Variants in MAML3 observed in about 807,000 individuals in gnomAD.
MAML3 encodes mastermind like transcriptional coactivator 3.
MAML3 carries 27 observed loss-of-function variants against 101.9 expected under a neutral mutation model. The ratio of observed to expected loss-of-function variants is 0.27; its 90% CI spans 0.20 to 0.37. MAML3 has a LOEUF of 0.37. Ranked by LOEUF, MAML3 falls within the 10% of genes least tolerant of loss-of-function variation. MAML3 has a pLI of 1.00. For missense variants in MAML3, 1,316 were observed against 1,444.9 expected (o/e 0.91, Z 1.45); for synonymous variants, 501 against 555.9 (o/e 0.90, Z 1.39).
chr4:140,120,236 CAAAAAAAA>C (rs35845014), intron 1 of MAML3, among the ~76,000 whole-genome samples: 1 of 90,082 alleles, frequency 1.1e-5, no homozygotes, highest in African/African-American at 4.0e-5. Flanking sequence ...GACTCCGTCT[CAAAAAAAA>C]AAAAAAAAAA....
chr4:140,127,189 T>A (rs542504005), intron 1 of MAML3, among the ~76,000 whole-genome samples: 25 of 152,284 alleles, frequency 1.6e-4, no homozygotes, highest in Non-Finnish European at 3.2e-4. Flanking sequence ...CCACTTTACG[T>A]CCTGAGCTTT....
At chr4:139,794,367 G>C (rs1021571782) in intron 2 of MAML3, 11 of 152,156 alleles carry the variant, frequency 7.2e-5, no homozygotes, top group African/African-American at 2.7e-4. Context: ...CAGCTGATTC[G>C]ATCAGTAAAA....
intron 1 of MAML3, among the ~76,000 whole-genome samples, chr4:139,986,469 A>T (rs1734541497): frequency 1.3e-5 from 2 of 152,222 alleles, no homozygotes; most frequent in South Asian, 4.1e-4. Context: ...CACAAAACTG[A>T]TTAGTTCTGG....
chr4:139,838,698 G>C (rs1731304512), intron 2 of MAML3, among the ~76,000 whole-genome samples: 1 of 152,028 alleles, frequency 6.6e-6, no homozygotes, highest in Non-Finnish European at 1.5e-5. Context: ...TAGGAAAAAT[G>C]GTGTTCTGCT....
chr4:139,884,253 T>A, intron 2 of MAML3, among the ~76,000 whole-genome samples: 1 of 152,222 alleles, frequency 6.6e-6, no homozygotes, highest in South Asian at 2.1e-4. Context: ...AGCTCTGTTC[T>A]TTCTCTGGAG....
intron 1 of MAML3, among the ~76,000 whole-genome samples, chr4:140,058,776 G>A (rs1727396181): frequency 6.6e-6 from 1 of 151,796 alleles, no homozygotes; most frequent in African/African-American, 2.4e-5. Context: ...TTTTTTTCCT[G>A]TTCTTCTGAA....
intron 2 of MAML3, among the ~76,000 whole-genome samples, chr4:139,775,967 AAAT>A (rs1212932790): frequency 6.6e-6 from 1 of 152,242 alleles, no homozygotes; most frequent in Non-Finnish European, 1.5e-5. Flanking sequence ...GGGCAAAGCC[AAAT>A]AATAATAAGA....
intron 1 of MAML3, among the ~76,000 whole-genome samples, chr4:140,086,418 C>T (rs950350608): frequency 4.6e-5 from 7 of 152,160 alleles, no homozygotes; most frequent in Non-Finnish European, 7.3e-5. Context: ...ACTGTCTCGT[C>T]GTCCAAATGC....
intron 1 of MAML3, among the ~76,000 whole-genome samples, chr4:139,908,674 A>G (rs1355315116): frequency 1.3e-5 from 2 of 152,256 alleles, no homozygotes; most frequent in African/African-American, 2.4e-5. Flanking sequence ...ATTTACTACC[A>G]TACTTCAATT....
rs368174569 is a variant in MAML3, at chr4:140,104,408, A to ATATAATATATATATATTATATATT, written c.468+48451_468+48452insAATATATAATATATATATATTATA. 8.7e-4 allele frequency among the ~76,000 whole-genome samples: 48 copies of ATATAATATATATATATTATATATT among 54,954 alleles called. 1 individual carries two copies. The highest frequency in any genetic ancestry group is 9.7e-4 in the Non-Finnish European group (30 of 31,050). The allele number at this position is 54,954 out of a possible 152,430, so 36.1% of individuals were successfully genotyped here. ...ATATATTATATATTATATAATATATAATATAATATATAATATACACGAATG... is the reference window on the plus strand; with the variant it reads ...ATATATTATATATTATATAATATATATATAATATATATATATTATATATTATATAATATATAATATACACGAATG... On this transcript the variant is annotated intron_variant, in intron 1 of 4. Transcript: ENST00000509479.
chr4:139,844,104 G>A (rs1731404226), intron 2 of MAML3, among the ~76,000 whole-genome samples: 1 of 152,218 alleles, frequency 6.6e-6, no homozygotes, highest in African/African-American at 2.4e-5. Flanking sequence ...GGGTAGAGTG[G>A]AAGTCTGCAG....
chr4:140,035,113 G>A (rs532581812), intron 1 of MAML3, among the ~76,000 whole-genome samples: 35 of 152,210 alleles, frequency 2.3e-4, no homozygotes, highest in Non-Finnish European at 4.6e-4. Flanking sequence ...GGGATTACAG[G>A]TGCCTGCCAC....
intron 1 of MAML3, among the ~76,000 whole-genome samples, chr4:139,902,253 G>GCACACACACGCA (rs1281192296): frequency 1.9e-5 from 1 of 52,282 alleles, no homozygotes; most frequent in Non-Finnish European, 6.8e-5. Flanking sequence ...GCACGCACAC[G>GCACACACACGCA]CACACACACG....
At chr4:140,017,147 A>G (rs1726655137) in intron 1 of MAML3, among the ~76,000 whole-genome samples, 1 of 152,250 alleles carries the variant, frequency 6.6e-6, no homozygotes, top group African/African-American at 2.4e-5. Flanking sequence ...AAAGACTTGA[A>G]CAGACATTTC....
At chr4:139,833,433 G>A (rs1429524333) in intron 2 of MAML3, among the ~76,000 whole-genome samples, 1 of 152,130 alleles carries the variant, frequency 6.6e-6, no homozygotes, top group African/African-American at 2.4e-5. Context: ...CCAGTGAACC[G>A]TAAAATCTGT....
intron 1 of MAML3, among the ~76,000 whole-genome samples, chr4:139,994,786 GGT>G (rs59077923): frequency 1.3e-5 from 2 of 150,202 alleles, no homozygotes; most frequent in Non-Finnish European, 1.5e-5. Context: ...GCTGGTGGGG[GGT>G]GTGTGTGTGT....
chr4:140,047,934 T>C (rs1727208594), intron 1 of MAML3, among the ~76,000 whole-genome samples: 1 of 152,176 alleles, frequency 6.6e-6, no homozygotes, highest in African/African-American at 2.4e-5. Flanking sequence ...GATAGGCTCT[T>C]CAGACAAGAA....
intron 1 of MAML3, among the ~76,000 whole-genome samples, chr4:140,084,358 G>A (rs1031437105): frequency 2.0e-5 from 3 of 152,076 alleles, no homozygotes; most frequent in African/African-American, 4.8e-5. Flanking sequence ...TATTTTTGAT[G>A]GTTTGTTGCC....
chr4:140,145,701 G>C (rs7656309), intron 1 of MAML3, among the ~76,000 whole-genome samples: 48,892 of 151,566 alleles, frequency 0.32, 8,470 homozygotes, highest in African/African-American at 0.44. Flanking sequence ...AAGTAGCTGG[G>C]ATTATAGACA....
Sources: gnomAD v4.1 joint callset for allele counts (sites outside exome capture counted in the v4.1 genomes callset) on GRCh38, gnomAD v4.1.1 for gene constraint, MANE v1.5 for transcripts, NCBI Gene and HGNC (gene_info 2026-07-23, HGNC 2026-07-21) for gene names.